TMTC1: variants seen among roughly 807,000 people sequenced by gnomAD.
TMTC1 encodes protein O-mannosyl-transferase TMTC1.
In TMTC1, 73 loss-of-function variants were observed where a neutral mutation model predicts 104.8. That is an observed-to-expected ratio of 0.70 (90% confidence interval 0.58 to 0.85). The LOEUF (loss-of-function observed/expected upper bound fraction) is 0.85, where lower values mean the gene tolerates loss of function less well. Among genes scored for constraint, TMTC1 ranks in the 40% least tolerant of loss-of-function variants. The pLI is 0.00. For synonymous variants in TMTC1, 434 were observed against 428.7 expected (o/e 1.01, Z -0.15); for missense variants, 1,035 against 1,096.1 (o/e 0.94, Z 0.79).
chr12:29,718,641 G>T (rs1257666534), intron 5 of TMTC1, among the ~76,000 whole-genome samples: 2 of 152,100 alleles, frequency 1.3e-5, no homozygotes, highest in African/African-American at 4.8e-5. Flanking sequence ...TATATTGAGA[G>T]GAATATAAAA....
intron 14 of TMTC1, 142 bp downstream of exon 14, chr12:29,517,285 G>A (rs1049843945): frequency 7.2e-6 from 6 of 832,250 alleles, no homozygotes; most frequent in African/African-American, 1.7e-5. Context: ...TTAGAGAATG[G>A]CTCTAACATT....
At chr12:29,765,474 CAT>C (rs763913679) in intron 2 of TMTC1, among the ~76,000 whole-genome samples, 116 of 152,004 alleles carry the variant, frequency 7.6e-4, no homozygotes, top group Non-Finnish European at 1.5e-3. Context: ...TTGTAAATTA[CAT>C]AGTTATGCTT....
rs746225876 is a variant in TMTC1 at position 29,516,392 on chromosome 12, C to T, written c.2264G>A (p.Arg755His). Residue 755 changes from arginine (R) to histidine (H), a missense_variant, in exon 15 of 18, where the codon CGC becomes CAC. By Grantham distance (29) the Arg-to-His change is conservative. Coordinates refer to ENST00000539277, the MANE Select transcript of TMTC1 (RefSeq NM_001193451.2). ...SEETGCLECY[R>H]LLSAIYSKQE... ...CTTGCTATAGATGGCTGACAAGAGG[C>T]GATAGCATTCAAGGCATCCGGTCTC... is the stretch of plus-strand genomic sequence containing the variant. 16 of 1,613,778 alleles carry T rather than the reference C, an allele frequency of 9.9e-6. No homozygotes were observed. Among genetic ancestry groups the T allele is most frequent in the South Asian group, 6.6e-5 (6 of 91,048 alleles).
At chr12:29,755,996 T>A (rs1274133316) in intron 3 of TMTC1, 111 bp from the exon 4 acceptor site, 2 of 1,119,340 alleles carry the variant, frequency 1.8e-6, no homozygotes, top group Non-Finnish European at 2.5e-6. Flanking sequence ...TCTAAGTAAT[T>A]AAGCAGGTAA....
chr12:29,750,011 C>T (rs1443770289), intron 5 of TMTC1, among the ~76,000 whole-genome samples: 5 of 151,666 alleles, frequency 3.3e-5, no homozygotes, highest in Admixed American at 1.3e-4. Flanking sequence ...GCCTGCACCA[C>T]GAAGAGGCCA....
chr12:29,607,911 C>T (rs927726286), intron 6 of TMTC1, among the ~76,000 whole-genome samples: 1 of 152,148 alleles, frequency 6.6e-6, no homozygotes, highest in African/African-American at 2.4e-5. Context: ...CCCTACATTG[C>T]TAATCTTGTG....
chr12:29,694,838 G>T (rs1941369371), intron 5 of TMTC1, among the ~76,000 whole-genome samples: 1 of 152,208 alleles, frequency 6.6e-6, no homozygotes, highest in African/African-American at 2.4e-5. Context: ...TATTTGGGAG[G>T]CTGGGGCAGG....
At chr12:29,749,753 CT>C (rs1943042991) in intron 5 of TMTC1, among the ~76,000 whole-genome samples, 1 of 152,128 alleles carries the variant, frequency 6.6e-6, no homozygotes, top group Admixed American at 6.5e-5. Context: ...CACTTAGTAA[CT>C]AATGCCACCA....
chr12:29,659,326 G>C (rs1939906006), intron 5 of TMTC1, among the ~76,000 whole-genome samples: 1 of 152,212 alleles, frequency 6.6e-6, no homozygotes, highest in Non-Finnish European at 1.5e-5. Context: ...GGAGGTGTTT[G>C]GGTGAGGAGG....
intron 5 of TMTC1, among the ~76,000 whole-genome samples, chr12:29,719,944 T>G (rs1466952713): frequency 6.6e-6 from 1 of 152,218 alleles, no homozygotes; most frequent in Non-Finnish European, 1.5e-5. Context: ...TAGGATATCA[T>G]GTGAACTGAA....
chr12:29,537,977 C>G (rs1944691706), intron 10 of TMTC1, among the ~76,000 whole-genome samples: 1 of 152,114 alleles, frequency 6.6e-6, no homozygotes, highest in Admixed American at 6.5e-5. Flanking sequence ...GATTATATGT[C>G]AAGCACTTAG....
chr12:29,726,449 C>T lies in TMTC1; in HGVS notation c.938+25217G>A, dbSNP rs142360774. On this transcript the variant is annotated intron_variant, in intron 5 of 17. Coordinates refer to ENST00000539277, the MANE Select transcript of TMTC1 (RefSeq NM_001193451.2). ...CTTAATATAACCCCAGAGAAGCTCTCCCTAGATTTTTAGTAAAGTCCTTTT... is the reference window on the plus strand; with the variant it reads ...CTTAATATAACCCCAGAGAAGCTCTTCCTAGATTTTTAGTAAAGTCCTTTT... Among the ~76,000 whole-genome samples the T allele has an allele frequency of 7.4e-4, 110 of 149,028 alleles. 1 individual carries two copies. Among genetic ancestry groups the T allele is most frequent in the East Asian group, 3.3e-3 (17 of 5,122 alleles).
intron 5 of TMTC1, among the ~76,000 whole-genome samples, chr12:29,706,228 T>C (rs961748860): frequency 2.6e-5 from 4 of 152,088 alleles, no homozygotes; most frequent in African/African-American, 9.7e-5. Context: ...AAAGCTTCCT[T>C]GAGAGGCTGA....
intron 5 of TMTC1, among the ~76,000 whole-genome samples, chr12:29,681,493 A>G (rs993407816): frequency 1.6e-4 from 24 of 152,354 alleles, no homozygotes; most frequent in African/African-American, 5.5e-4. Context: ...CTAGAAGTAC[A>G]CAGCACCATC....
Position 29,783,578 on chromosome 12 carries a change from C to A in TMTC1, c.174G>T (p.Val58=). 6.7e-7 allele frequency: 1 copy of A among 1,483,364 alleles called. No individual in the cohort carries two copies. Among genetic ancestry groups the A allele is most frequent in the Non-Finnish European group, 8.9e-7 (1 of 1,120,888 alleles). The allele number at this position is 1,483,364 out of a possible 1,614,324, so 91.9% of individuals were successfully genotyped here. The change falls in exon 1 of 18, where the codon GTG becomes GTT. Residue 58 remains valine, a synonymous_variant. Coordinates refer to ENST00000539277, the MANE Select transcript of TMTC1 (RefSeq NM_001193451.2). This position sits in a 1 kb window ranked among gnomAD's most constrained non-coding sequence, Gnocchi z 4.7. ...EFVHDDVWAI[V]NNPDVRPGAP... ...CGCCGGGCCGCACGTCGGGGTTGTT[C>A]ACGATCGCCCACACGTCGTCGTGCA...
chr12:29,755,327 CA>C (rs1371946598), intron 4 of TMTC1, among the ~76,000 whole-genome samples: 2 of 152,140 alleles, frequency 1.3e-5, no homozygotes, highest in African/African-American at 4.8e-5. Context: ...AACACTCATG[CA>C]AATGCAGGGA....
intron 6 of TMTC1, among the ~76,000 whole-genome samples, chr12:29,604,721 A>G (rs1946652976): frequency 6.6e-6 from 1 of 152,226 alleles, no homozygotes; most frequent in African/African-American, 2.4e-5. Context: ...TCTTCCCAAA[A>G]TATAATGTAT....
chr12:29,642,849 CAGG>C (rs965681421), intron 5 of TMTC1, among the ~76,000 whole-genome samples: 7 of 151,650 alleles, frequency 4.6e-5, no homozygotes, highest in African/African-American at 7.3e-5. Flanking sequence ...GGCGTGAACC[CAGG>C]AGGCGGAGCT....
chr12:29,569,436 C>T (rs746568870), intron 9 of TMTC1, among the ~76,000 whole-genome samples: 2 of 152,150 alleles, frequency 1.3e-5, no homozygotes, highest in Non-Finnish European at 2.9e-5. Context: ...TTTAACATTG[C>T]ATTTCCCTAA....
Sources: allele counts gnomAD v4.1 joint callset (sites outside exome capture counted in the v4.1 genomes callset), GRCh38; gene constraint gnomAD v4.1.1; non-coding constraint Gnocchi (gnomAD v3.1); transcripts MANE v1.5; gene names NCBI Gene and HGNC (gene_info 2026-07-23, HGNC 2026-07-21).